The following PTPRN2 variants were observed in gnomAD, a reference collection of about 807,000 sequenced individuals.
PTPRN2 encodes receptor-type tyrosine-protein phosphatase N2.
A neutral mutation model predicts 118.8 loss-of-function variants in PTPRN2; 74 were observed. The ratio of observed to expected loss-of-function variants is 0.62; its 90% CI spans 0.52 to 0.76. The LOEUF (loss-of-function observed/expected upper bound fraction) is 0.76. Among genes scored for constraint, PTPRN2 ranks in the 30% least tolerant of loss-of-function variants. PTPRN2 has a pLI of 0.00. For missense variants in PTPRN2, 1,481 were observed against 1,394.4 expected (o/e 1.06, Z -0.99); for synonymous variants, 641 against 608.0 (o/e 1.05, Z -0.80).
chr7:157,739,138 A>T (rs1455140767), intron 12 of PTPRN2: 1 of 152,198 alleles, frequency 6.6e-6, no homozygotes, highest in Non-Finnish European at 1.5e-5. Context: ...AGACATGAAG[A>T]GCCACAGCCG....
chr7:157,547,561 CCT>C (rs1363831759), intron 22 of PTPRN2, among the ~76,000 whole-genome samples: 1 of 152,072 alleles, frequency 6.6e-6, no homozygotes, highest in East Asian at 1.9e-4. Flanking sequence ...CGTGTCACCT[CCT>C]CTCTCGACAG....
intron 2 of PTPRN2, among the ~76,000 whole-genome samples, chr7:158,367,747 G>C (rs1191824940): frequency 6.6e-6 from 1 of 152,146 alleles, no homozygotes; most frequent in Non-Finnish European, 1.5e-5. Flanking sequence ...CAGAATGAAG[G>C]AAAAGTCGTT....
At position 157,605,169 on chromosome 7, in the gene PTPRN2, C is replaced by A. The variant is rs532510339; in HGVS notation, c.2345-1094G>T. On this transcript the variant is annotated intron_variant, in intron 15 of 22. Coordinates refer to ENST00000389418, the MANE Select transcript of PTPRN2 (RefSeq NM_002847.5). ...CAAGGGCGAGTCAGGCATGGAGTGG[C>A]GAGGGGTGTGTGAGGAGCACGGGGT... Among the ~76,000 whole-genome samples the A allele has an allele frequency of 3.6e-3, 542 of 152,320 alleles. 4 individuals carry two copies. Among genetic ancestry groups the A allele is most frequent in the African/African-American group, 0.012 (514 of 41,564 alleles).
intron 2 of PTPRN2, among the ~76,000 whole-genome samples, chr7:158,339,430 T>C (rs370979182): frequency 1.3e-4 from 1 of 7,410 alleles, no homozygotes; most frequent in Non-Finnish European, 2.7e-4. Flanking sequence ...ACCATAAGAG[T>C]TGACACCTGC....
chr7:158,189,478 A>G (rs563631882), intron 5 of PTPRN2, among the ~76,000 whole-genome samples: 2 of 152,212 alleles, frequency 1.3e-5, no homozygotes, highest in Non-Finnish European at 2.9e-5. Flanking sequence ...ACGAGCCTCC[A>G]AGGCTACGCT....
intron 12 of PTPRN2, among the ~76,000 whole-genome samples, chr7:157,872,001 CACAT>C (rs147144964): frequency 2.0e-4 from 14 of 68,358 alleles, no homozygotes; most frequent in South Asian, 5.3e-4. Flanking sequence ...TCCCCACACA[CACAT>C]ACCCAGTGTC....
chr7:158,081,249 T>TGTGCACACACGTGTGTGTGC (rs763584092), intron 11 of PTPRN2, 49 bp downstream of exon 11: 4 of 1,476,054 alleles, frequency 2.7e-6, no homozygotes, highest in South Asian at 2.3e-5. Flanking sequence ...TGCGTGTGTG[T>TGTGCACACACGTGTGTGTGC]GTGCACACAC....
intron 13 of PTPRN2, among the ~76,000 whole-genome samples, chr7:157,679,072 A>T (rs75871621): frequency 6.6e-6 from 1 of 151,888 alleles, no homozygotes; most frequent in African/African-American, 2.4e-5. Flanking sequence ...CATTATCCTT[A>T]GTGTGTGTGT....
At chr7:158,174,701 T>C (rs546264040) in intron 5 of PTPRN2, among the ~76,000 whole-genome samples, 11 of 152,170 alleles carry the variant, frequency 7.2e-5, no homozygotes, top group Non-Finnish European at 1.6e-4. Flanking sequence ...ACAACCGTAA[T>C]TGAAAGAATG....
intron 21 of PTPRN2, among the ~76,000 whole-genome samples, chr7:157,552,488 G>A (rs1346351691): frequency 1.3e-5 from 2 of 152,070 alleles, no homozygotes; most frequent in Admixed American, 6.5e-5. Flanking sequence ...CCTGGACCAC[G>A]TGGGGAGGGG....
At chr7:158,410,393 C>T (rs564648723) in intron 2 of PTPRN2, among the ~76,000 whole-genome samples, 11 of 152,280 alleles carry the variant, frequency 7.2e-5, no homozygotes, top group African/African-American at 2.4e-4. Flanking sequence ...CAGGTGACTA[C>T]AGACAGGAGA....
chr7:158,109,116 A>G (rs1815960132), intron 10 of PTPRN2, among the ~76,000 whole-genome samples: 1 of 151,100 alleles, frequency 6.6e-6, no homozygotes, highest in African/African-American at 2.4e-5. Flanking sequence ...TGAGTGAATG[A>G]CATCACTCCT....
intron 12 of PTPRN2, among the ~76,000 whole-genome samples, chr7:157,842,056 G>A (rs1808461243): frequency 6.6e-6 from 1 of 152,160 alleles, no homozygotes. Flanking sequence ...ACCTCCCAGT[G>A]GCTTCCCTTT....
chr7:157,800,206 C>A (rs1377319761), intron 12 of PTPRN2, among the ~76,000 whole-genome samples: 1 of 152,140 alleles, frequency 6.6e-6, no homozygotes, highest in African/African-American at 2.4e-5. Context: ...GGCACCACAG[C>A]CAGCCTGCGT....
intron 12 of PTPRN2, among the ~76,000 whole-genome samples, chr7:157,832,220 G>A (rs565533756): frequency 6.6e-6 from 1 of 152,210 alleles, no homozygotes; most frequent in African/African-American, 2.4e-5. Flanking sequence ...CAGGCTCGAT[G>A]CTGCATCTCA....
At chr7:157,802,372 A>G (rs917702804) in intron 12 of PTPRN2, among the ~76,000 whole-genome samples, 1 of 152,206 alleles carries the variant, frequency 6.6e-6, no homozygotes, top group South Asian at 2.1e-4. Flanking sequence ...ACTTCACGTC[A>G]TGTCATGCAG....
At chr7:158,070,968 A>C (rs1456991059) in intron 11 of PTPRN2, among the ~76,000 whole-genome samples, 5 of 19,488 alleles carry the variant, frequency 2.6e-4, no homozygotes, top group South Asian at 2.1e-3. Flanking sequence ...GGAGGTGCTC[A>C]CGGTGGAGGT....
rs1801835740 is a variant in PTPRN2 at position 157,603,825 on chromosome 7, C to CG, written c.2418+176dup. Among the ~76,000 whole-genome samples the CG allele has an allele frequency of 6.6e-6, 1 of 152,184 alleles. No individual in the cohort carries two copies. The highest frequency in any genetic ancestry group is 2.4e-5 in the African/African-American group (1 of 41,438). ...GACCCACACGGCTCATAAACAGCCC[C>CG]GCTGGTGAAGGAACAGGGGAGTGGC... On this transcript the variant is annotated intron_variant, in intron 16 of 22. Transcript: ENST00000389418. The surrounding 1 kb of genome is among the most constrained non-coding windows in gnomAD (Gnocchi z 5.4).
chr7:158,459,395 G>C (rs1818790891), intron 2 of PTPRN2, among the ~76,000 whole-genome samples: 1 of 150,650 alleles, frequency 6.6e-6, no homozygotes. Context: ...CCAGAATCCA[G>C]AGCCCTCGCC....
Sources: allele counts gnomAD v4.1 joint callset (sites outside exome capture counted in the v4.1 genomes callset), GRCh38; gene constraint gnomAD v4.1.1; non-coding constraint Gnocchi (gnomAD v3.1); transcripts MANE v1.5; gene names NCBI Gene and HGNC (gene_info 2026-07-23, HGNC 2026-07-21).